CXCL9: variants seen among roughly 807,000 people sequenced by gnomAD.
CXCL9 encodes the protein C-X-C motif chemokine 9.
A neutral mutation model predicts 11.7 loss-of-function variants in CXCL9; 8 were observed. That is an observed-to-expected ratio of 0.68 (90% CI 0.40 to 1.23). The LOEUF (loss-of-function observed/expected upper bound fraction) is 1.23, where lower values mean the gene tolerates loss of function less well. CXCL9 is among the 50% of genes most tolerant of loss of function. CXCL9 has a pLI of 0.01. For synonymous variants in CXCL9, 43 were observed against 48.2 expected (o/e 0.89, Z 0.45); for missense variants, 133 against 141.7 (o/e 0.94, Z 0.31).
At chr4:76,006,748 T>G (rs1370184279) in intron 1 of CXCL9, among the ~76,000 whole-genome samples, 1 of 152,220 alleles carries the variant, frequency 6.6e-6, no homozygotes, top group Non-Finnish European at 1.5e-5. Flanking sequence ...AGCACTCCTT[T>G]GTAACCAATC....
Position 76,004,857 on chromosome 4 carries a change from G to C in CXCL9, c.228C>G (p.Asn76Lys). 1.2e-6 allele frequency: 2 copies of C among 1,608,364 alleles called. No individual in the cohort carries two copies. Among genetic ancestry groups the C allele is most frequent in the African/African-American group, 1.3e-5 (1 of 74,726 alleles). The change falls in exon 3 of 4, where the codon AAC becomes AAG. Residue 76 changes from asparagine to lysine, a missense_variant. Transcript: ENST00000264888. ...GTTCCTTCACATCTGCTGAATCTGG[G>C]TTTAGACATGTTTGAACTCCATTCT... ...TLKNGVQTCLNPDSADVKELI... is the reference protein window; with the variant it reads ...TLKNGVQTCLKPDSADVKELI...
chr4:76,002,219 AGGTT>A lies in CXCL9; in HGVS notation c.*1375_*1378del. The A allele has an allele frequency of 2.5e-6, 1 of 396,600 alleles. No individual in the cohort carries two copies. The highest frequency in any genetic ancestry group is 4.4e-6 in the Non-Finnish European group (1 of 224,784). The allele number at this position is 396,600 out of a possible 1,614,324, so 24.6% of individuals were successfully genotyped here. On this transcript the variant is annotated 3_prime_UTR_variant, in exon 4 of 4. Coordinates refer to ENST00000264888, the MANE Select transcript of CXCL9 (RefSeq NM_002416.3). ...AAGGAATTTTTGTATGGTTGGGAAA[AGGTT>A]GGTCACTGGCTGATCTATAAAGTCC... is the stretch of plus-strand genomic sequence containing the variant.
chr4:76,004,553 A>G (rs555503540), intron 3 of CXCL9, among the ~76,000 whole-genome samples: 3 of 152,222 alleles, frequency 2.0e-5, no homozygotes, highest in Non-Finnish European at 4.4e-5. Flanking sequence ...TCAATTCATT[A>G]CATATTTATT....
At chr4:76,004,248 C>T (rs907813358) in intron 3 of CXCL9, among the ~76,000 whole-genome samples, 2 of 152,212 alleles carry the variant, frequency 1.3e-5, no homozygotes, top group Non-Finnish European at 2.9e-5. Context: ...TTAATGGAGG[C>T]TCCCTGAACA....
intron 2 of CXCL9, chr4:76,005,674 T>C (rs1731570815): frequency 1.3e-5 from 2 of 152,298 alleles, no homozygotes; most frequent in Admixed American, 1.3e-4. Context: ...ATGACATTAT[T>C]AGAGATTTAC....
At position 76,001,807 on chromosome 4, in the gene CXCL9, A is replaced by G. The variant is rs41457447; in HGVS notation, c.*1791T>C. 3,404 of 157,804 alleles carry G rather than the reference A, an allele frequency of 0.022. 135 individuals carry two copies. Among genetic ancestry groups the G allele is most frequent in the African/African-American group, 0.077 (3,231 of 41,732 alleles). The allele number at this position is 157,804 out of a possible 1,614,324, so 9.8% of individuals were successfully genotyped here. A position where few individuals can be genotyped will look rare whatever the true frequency, so the allele number is the denominator to read the frequency against. ...CGTTCGGGTGGGATCTCCACCGGAC[A>G]GCACTCTAAATCATCAGCAGTGTGA... On this transcript the variant is annotated 3_prime_UTR_variant, in exon 4 of 4. Transcript: ENST00000264888.
intron 2 of CXCL9, chr4:76,005,574 A>G (rs1731569314): frequency 6.6e-6 from 1 of 152,226 alleles, no homozygotes; most frequent in African/African-American, 2.4e-5. Flanking sequence ...GAAATAATCT[A>G]TATTTCCAAC....
At chr4:76,006,355 C>G in intron 1 of CXCL9, 81 bp from the exon 2 acceptor site, 1 of 1,385,760 alleles carries the variant, frequency 7.2e-7, no homozygotes. Flanking sequence ...ATACACTTGA[C>G]TGAGTCATGA....
At chr4:76,007,083 A>G (rs1057119583) in intron 1 of CXCL9, among the ~76,000 whole-genome samples, 3 of 152,178 alleles carry the variant, frequency 2.0e-5, no homozygotes, top group Admixed American at 2.0e-4. Context: ...TATACTTAGC[A>G]AAAAACAGTA....
In CXCL9 at chr4:76,003,603, T is replaced by C. The variant is rs61750813; in HGVS notation, c.373A>G (p.Thr125Ala). The C allele has an allele frequency of 1.2e-3, 1,826 of 1,565,000 alleles. 3 individuals carry two copies. Among genetic ancestry groups the C allele is most frequent in the Non-Finnish European group, 1.5e-3 (1,710 of 1,136,548 alleles). ...CTTATTGGTGAAGTGGTCTCTTATG[T>C]AGTCTTCTTTTGACGAGAACGTTGA... is the stretch of plus-strand genomic sequence containing the variant. ...KSQRSRQKKT[T>A] The change falls in exon 4 of 4, where the codon ACA (threonine) becomes GCA (alanine). Residue 125 changes from threonine to alanine, a missense_variant. Coordinates refer to ENST00000264888, the MANE Select transcript of CXCL9 (RefSeq NM_002416.3).
intron 1 of CXCL9, among the ~76,000 whole-genome samples, chr4:76,006,677 A>T (rs564400360): frequency 3.3e-5 from 5 of 152,198 alleles, no homozygotes; most frequent in Non-Finnish European, 5.9e-5. Context: ...GCAACTCCTA[A>T]ACCATCTATT....
At position 76,002,134 on chromosome 4, in the gene CXCL9, G is replaced by A. The variant is rs1731479560; in HGVS notation, c.*1464C>T. ...ATGAGTTTCGATAAGGATCTCGGTG[G>A]CTATCTTGTTAGATCTTAGAAAGCT... On this transcript the variant is annotated 3_prime_UTR_variant, in exon 4 of 4. Coordinates refer to ENST00000264888, the MANE Select transcript of CXCL9 (RefSeq NM_002416.3). 1 of 395,884 alleles carries A rather than the reference G, an allele frequency of 2.5e-6. No individual in the cohort carries two copies. Among genetic ancestry groups the A allele is most frequent in the Non-Finnish European group, 4.4e-6 (1 of 225,014 alleles). The allele number at this position is 395,884 out of a possible 1,614,324, so 24.5% of individuals were successfully genotyped here.
chr4:76,007,450 A>G lies in CXCL9; in HGVS notation c.-1T>C. The G allele has an allele frequency of 1.3e-6, 2 of 1,576,394 alleles. No homozygotes were observed. The highest frequency in any genetic ancestry group is 1.7e-6 in the Non-Finnish European group (2 of 1,145,616). ...GGAAAAGAACACCACTTTTCTTCAT[A>G]GTGATAGAATGGAGTTCCAAGTCAC... is the stretch of plus-strand genomic sequence containing the variant. On this transcript the variant is annotated 5_prime_UTR_variant, in exon 1 of 4. Coordinates refer to ENST00000264888, the MANE Select transcript of CXCL9 (RefSeq NM_002416.3).
In CXCL9 at chr4:76,001,484, A is replaced by C. The variant is rs1299003986; in HGVS notation, c.*2114T>G. 6.6e-6 allele frequency: 1 copy of C among 152,240 alleles called. No homozygotes were observed. The highest frequency in any genetic ancestry group is 1.5e-5 in the Non-Finnish European group (1 of 68,032). The allele number at this position is 152,240 out of a possible 1,614,324, so 9.4% of individuals were successfully genotyped here. A position where few individuals can be genotyped will look rare whatever the true frequency, so the allele number is the denominator to read the frequency against. On this transcript the variant is annotated 3_prime_UTR_variant, in exon 4 of 4. Coordinates refer to ENST00000264888, the MANE Select transcript of CXCL9 (RefSeq NM_002416.3). Reference sequence around the variant, plus strand: ...AGATCTGTTTTCTGATTAATGGTCTATTTATTGATACCATTCTATTTTAAC... The same window carrying C: ...AGATCTGTTTTCTGATTAATGGTCTCTTTATTGATACCATTCTATTTTAAC...
chr4:76,002,458 A>G lies in CXCL9; in HGVS notation c.*1140T>C. Reference sequence around the variant, plus strand: ...GTAAGAGGTTACCAGAGGCTAGCCAACATGGAGTAGCCAGGAAAGAGCCAG... The same window carrying G: ...GTAAGAGGTTACCAGAGGCTAGCCAGCATGGAGTAGCCAGGAAAGAGCCAG... On this transcript the variant is annotated 3_prime_UTR_variant, in exon 4 of 4. Transcript: ENST00000264888. The G allele has an allele frequency of 2.5e-6, 1 of 398,106 alleles. No homozygotes were observed. Among genetic ancestry groups the G allele is most frequent in the Admixed American group, 4.4e-5 (1 of 22,728 alleles). 24.7% of individuals were successfully genotyped at this position (398,106 alleles called of 1,614,324 possible).
Position 76,006,172 on chromosome 4 carries a change from G to A in CXCL9, c.167C>T (p.Pro56Leu). The A allele has an allele frequency of 6.2e-7, 1 of 1,613,658 alleles. No homozygotes were observed. Among genetic ancestry groups the A allele is most frequent in the Non-Finnish European group, 8.5e-7 (1 of 1,179,636 alleles). ...LKDLKQFAPS[P>L]SCEKIEIIAT... ...CATGATTTCAATTTTCTCGCAGGAA[G>A]GGCTTGGGGCAAATTGTTTAAGGTC... Residue 56 changes from proline (P) to leucine (L), a missense_variant, in exon 2 of 4, where the codon CCT (proline) becomes CTT (leucine). Coordinates refer to ENST00000264888, the MANE Select transcript of CXCL9 (RefSeq NM_002416.3).
At chr4:76,007,345 A>G in intron 1 of CXCL9, 41 bp downstream of exon 1, 1 of 1,070,718 alleles carries the variant, frequency 9.3e-7, no homozygotes, top group Non-Finnish European at 1.5e-6. Flanking sequence ...TTTACAGTGA[A>G]TCACTTCTCT....
In CXCL9 at chr4:76,001,564, AAATT is replaced by A. The variant is rs1731463451; in HGVS notation, c.*2030_*2033del. 1 of 152,216 alleles carries A rather than the reference AAATT, an allele frequency of 6.6e-6. No individual in the cohort carries two copies. Among genetic ancestry groups the A allele is most frequent in the South Asian group, 2.1e-4 (1 of 4,828 alleles). The allele number at this position is 152,216 out of a possible 1,614,324, so 9.4% of individuals were successfully genotyped here. A position where few individuals can be genotyped will look rare whatever the true frequency, so the allele number is the denominator to read the frequency against. On this transcript the variant is annotated 3_prime_UTR_variant, in exon 4 of 4. Coordinates refer to ENST00000264888, the MANE Select transcript of CXCL9 (RefSeq NM_002416.3). ...CAAGTCAATACTGTTTTGAAGTGAA[AAATT>A]ATTTGCTTTGAGAGTGTATGCATGT...
intron 3 of CXCL9, 55 bp from the exon 4 acceptor site, chr4:76,003,754 C>G: frequency 9.4e-7 from 1 of 1,059,824 alleles, no homozygotes; most frequent in East Asian, 2.4e-5. Flanking sequence ...ATTTTTACTT[C>G]CTTTTATTTG....
Sources: allele counts gnomAD v4.1 joint callset (sites outside exome capture counted in the v4.1 genomes callset), GRCh38; gene constraint gnomAD v4.1.1; transcripts MANE v1.5; gene names NCBI Gene and HGNC (gene_info 2026-07-23, HGNC 2026-07-21).